PCDH15: variants seen among roughly 807,000 people sequenced by gnomAD.
The protein encoded by PCDH15 is protocadherin related 15, also known as protocadherin-15.
In PCDH15, 129 loss-of-function variants were observed where a neutral mutation model predicts 178.5. That is an observed-to-expected ratio of 0.72 (90% CI 0.63 to 0.84). The LOEUF (loss-of-function observed/expected upper bound fraction) is 0.84, where lower values mean the gene tolerates loss of function less well. Ranked by LOEUF, PCDH15 falls within the 40% of genes least tolerant of loss-of-function variation. PCDH15 has a pLI of 0.00. For synonymous variants in PCDH15, 800 were observed against 732.0 expected (o/e 1.09, Z -1.50); for missense variants, 2,230 against 2,099.9 (o/e 1.06, Z -1.21).
chr10:54,838,552 A>G (rs1371545193), intron 3 of PCDH15, among the ~76,000 whole-genome samples: 1 of 152,128 alleles, frequency 6.6e-6, no homozygotes, highest in Non-Finnish European at 1.5e-5. Context: ...TCATAGCAGT[A>G]TGAGAACAGA....
At position 55,390,465 on chromosome 10, in the gene PCDH15, G is replaced by C. The variant is rs542432421; in HGVS notation, c.-155-223814C>G. Among the ~76,000 whole-genome samples, 88 of 152,234 alleles carry C rather than the reference G, an allele frequency of 5.8e-4. 1 individual carries two copies. In the South Asian group the frequency reaches 0.018, roughly 31 times the overall value. On this transcript the variant is annotated intron_variant, in intron 2 of 5. Transcript: ENST00000613346. ...CTGTAGCATATAATGACGTTTGATAGCATTTTTCCAACAGTTGAACTTCTT... is the reference window on the plus strand; with the variant it reads ...CTGTAGCATATAATGACGTTTGATACCATTTTTCCAACAGTTGAACTTCTT...
rs1312932622 is a variant in PCDH15, at chr10:55,543,186, A to G, written c.-156+84439T>C. Among the ~76,000 whole-genome samples, 9 of 149,900 alleles carry G rather than the reference A, an allele frequency of 6.0e-5. No individual in the cohort carries two copies. In the East Asian group the frequency reaches 1.8e-3, roughly 29 times the overall value. The stretch of plus-strand genomic sequence containing the variant: ...GTCTATATAGGTACATATATACACC[A>G]TGTCCCTCAACTATATATATTTGTG... On this transcript the variant is annotated intron_variant, in intron 2 of 5. Coordinates refer to the PCDH15 transcript ENST00000613346.
At chr10:54,025,112 A>G (rs945202880) in intron 18 of PCDH15, among the ~76,000 whole-genome samples, 8 of 152,174 alleles carry the variant, frequency 5.3e-5, no homozygotes, top group Non-Finnish European at 1.2e-4. Flanking sequence ...GAATGGCTCA[A>G]TTTGACTGAT....
chr10:55,052,088 C>T (rs537432552), intron 2 of PCDH15, among the ~76,000 whole-genome samples: 8 of 150,388 alleles, frequency 5.3e-5, no homozygotes, highest in Admixed American at 2.0e-4. Flanking sequence ...ATAATCGATA[C>T]GATTTTTTTT....
chr10:54,824,468 C>G lies in PCDH15; in HGVS notation c.-29+72982G>C, dbSNP rs371828347. On this transcript the variant is annotated intron_variant, in intron 3 of 5. Coordinates refer to the PCDH15 transcript ENST00000458638. ...GCTACCTTGAAGAAAGAGCACAGAA[C>G]AGTCAGGATGCATGAGTAGGCAGGA... 7.2e-5 allele frequency among the ~76,000 whole-genome samples: 11 copies of G among 152,218 alleles called. No homozygotes were observed. The East Asian group carries it at 1.7e-3, about 24-fold the overall frequency.
intron 15 of PCDH15, among the ~76,000 whole-genome samples, chr10:54,105,796 CAAGAG>C (rs2094907487): frequency 6.6e-6 from 1 of 151,994 alleles, no homozygotes; most frequent in Non-Finnish European, 1.5e-5. Flanking sequence ...GGTTTCTGCT[CAAGAG>C]AAATGAAAAC....
chr10:54,873,265 A>G (rs557828028), intron 3 of PCDH15, among the ~76,000 whole-genome samples: 1 of 152,124 alleles, frequency 6.6e-6, no homozygotes, highest in Admixed American at 6.6e-5. Flanking sequence ...AGGTCACAGT[A>G]TTTGTCAGCT....
At chr10:55,106,231 T>C (rs534144176) in intron 2 of PCDH15, among the ~76,000 whole-genome samples, 2 of 152,230 alleles carry the variant, frequency 1.3e-5, no homozygotes. Context: ...AGTATACACA[T>C]GGATATTGGA....
At chr10:54,344,980 T>A (rs11004247) in intron 6 of PCDH15, among the ~76,000 whole-genome samples, 16,078 of 127,670 alleles carry the variant, frequency 0.13, 990 homozygotes, top group Middle Eastern at 0.2. Context: ...ATATATATAT[T>A]ATATATATAT....
chr10:55,196,685 C>T (rs1027752197), intron 1 of PCDH15, among the ~76,000 whole-genome samples: 6 of 152,096 alleles, frequency 3.9e-5, no homozygotes, highest in South Asian at 4.1e-4. Flanking sequence ...TAATGGTAAT[C>T]GCTTGGCACT....
At chr10:54,407,502 T>C (rs1206251645) in intron 3 of PCDH15, among the ~76,000 whole-genome samples, 1 of 152,064 alleles carries the variant, frequency 6.6e-6, no homozygotes, top group Non-Finnish European at 1.5e-5. Context: ...TGGCATTCAA[T>C]TTATTCTGTA....
intron 8 of PCDH15, among the ~76,000 whole-genome samples, chr10:54,267,470 G>A (rs2057766883): frequency 6.6e-6 from 1 of 151,878 alleles, no homozygotes; most frequent in African/African-American, 2.4e-5. Context: ...AATAGGAAAA[G>A]AGGAAGTTAA....
In PCDH15 at chr10:54,290,909, G is replaced by A. The variant is rs377509215; in HGVS notation, c.876+26362C>T. On this transcript the variant is annotated intron_variant, in intron 8 of 37. Coordinates refer to ENST00000644397, the MANE Select transcript of PCDH15 (RefSeq NM_001384140.1). ...CAGATTCATAAAGCAAGTCCTTAGA[G>A]ACCTACAAAGAGACTTAGACTCCCA... 1.1e-4 allele frequency among the ~76,000 whole-genome samples: 17 copies of A among 152,272 alleles called. No homozygotes were observed. In the East Asian group the frequency reaches 3.3e-3, roughly 29 times the overall value.
At chr10:54,247,836 C>T (rs968528532) in intron 8 of PCDH15, among the ~76,000 whole-genome samples, 2 of 149,998 alleles carry the variant, frequency 1.3e-5, no homozygotes, top group Non-Finnish European at 3.0e-5. Flanking sequence ...CCACTGCACT[C>T]CAGCCTGGGT....
At chr10:53,807,778 G>T (rs190696114) in intron 37 of PCDH15, among the ~76,000 whole-genome samples, 4 of 152,120 alleles carry the variant, frequency 2.6e-5, no homozygotes, top group Admixed American at 2.6e-4. Context: ...TTCTCAGCCT[G>T]CATCATTTAC....
At chr10:55,041,651 C>A (rs866088927) in intron 2 of PCDH15, among the ~76,000 whole-genome samples, 2 of 151,990 alleles carry the variant, frequency 1.3e-5, no homozygotes, top group East Asian at 3.9e-4. Flanking sequence ...GGTTACTGTT[C>A]ATTTGATCCT....
chr10:54,428,239 T>G (rs1347109416), intron 3 of PCDH15, among the ~76,000 whole-genome samples: 1 of 152,186 alleles, frequency 6.6e-6, no homozygotes, highest in South Asian at 2.1e-4. Context: ...AGAGCATCCA[T>G]TGACTCATAG....
At chr10:54,761,283 T>A (rs1472984969) in intron 1 of PCDH15, among the ~76,000 whole-genome samples, 1 of 152,180 alleles carries the variant, frequency 6.6e-6, no homozygotes, top group East Asian at 1.9e-4. Flanking sequence ...GTTTGGGTCA[T>A]GTTTATGACC....
At chr10:54,962,258 A>G (rs1034960435) in intron 2 of PCDH15, among the ~76,000 whole-genome samples, 7 of 152,154 alleles carry the variant, frequency 4.6e-5, no homozygotes, top group Admixed American at 6.5e-5. Flanking sequence ...GAGCTGCTGT[A>G]ACACTACAGT....
Sources: gnomAD v4.1 joint callset for allele counts (sites outside exome capture counted in the v4.1 genomes callset) on GRCh38, gnomAD v4.1.1 for gene constraint, MANE v1.5 for transcripts, NCBI Gene and HGNC (gene_info 2026-07-23, HGNC 2026-07-21) for gene names.